TEX11: variants seen among roughly 807,000 people sequenced by gnomAD.
The protein encoded by TEX11 is testis expressed 11.
TEX11 carries 7 observed loss-of-function variants against 84.4 expected under a neutral mutation model. That is an observed-to-expected ratio of 0.08 (90% CI 0.05 to 0.16). The LOEUF is 0.16. Ranked by LOEUF, TEX11 falls within the 10% of genes least tolerant of loss-of-function variation. The pLI is 1.00. For missense variants in TEX11, 551 were observed against 660.5 expected, an observed-to-expected ratio of 0.83 and a Z score of 1.82; for synonymous variants, 264 against 222.8, an observed-to-expected ratio of 1.18 and a Z score of -1.64.
chrX:70,607,840 A>G (rs2089212473), intron 22 of TEX11, among the ~76,000 whole-genome samples: 1 of 112,391 alleles, frequency 8.9e-6, no homozygotes. Flanking sequence ...ATTCCTTTTC[A>G]AACCTTCAAA....
intron 25 of TEX11, among the ~76,000 whole-genome samples, chrX:70,568,253 G>C (rs1342451558): frequency 1.8e-5 from 2 of 111,015 alleles, no homozygotes; most frequent in Admixed American, 9.6e-5. Flanking sequence ...TTTTCCATTT[G>C]CTTGGTAGAT....
Position 70,785,179 on chromosome X carries a change from T to A in TEX11, c.692+21526A>T, listed in dbSNP as rs772401764. Reference sequence around the variant, plus strand: ...GGCCTCAGAAATAATACCACACATGTACAACCATCTGATCTTTGACAAACC... The same window carrying A: ...GGCCTCAGAAATAATACCACACATGAACAACCATCTGATCTTTGACAAACC... On this transcript the variant is annotated intron_variant, in intron 9 of 29. Coordinates refer to ENST00000374333, the MANE Select transcript of TEX11 (RefSeq NM_031276.3). Among the ~76,000 whole-genome samples the A allele has an allele frequency of 1.7e-4, 19 of 111,755 alleles. No homozygotes were observed. The East Asian group carries it at 3.9e-3, about 23-fold the overall frequency.
intron 8 of TEX11, among the ~76,000 whole-genome samples, chrX:70,807,965 G>A (rs1364329242): frequency 7.4e-5 from 8 of 107,452 alleles, no homozygotes; most frequent in Admixed American, 6.0e-4. Flanking sequence ...TTAGCCAGGC[G>A]TGGTGGCAGG....
At chrX:70,823,582 GT>G (rs2091329782) in intron 8 of TEX11, among the ~76,000 whole-genome samples, 1 of 111,165 alleles carries the variant, frequency 9.0e-6, no homozygotes, top group East Asian at 2.8e-4. Context: ...AAAAAGACAA[GT>G]TCAGGCCGGA....
intron 25 of TEX11, among the ~76,000 whole-genome samples, chrX:70,573,974 A>G (rs780335540): frequency 1.8e-5 from 2 of 111,875 alleles, no homozygotes; most frequent in African/African-American, 3.2e-5. Flanking sequence ...TTCGATGATG[A>G]CACTTGATGA....
intron 20 of TEX11, 35 bp downstream of exon 20, chrX:70,623,915 A>G: frequency 8.9e-7 from 1 of 1,120,103 alleles, no homozygotes; most frequent in South Asian, 2.0e-5. Context: ...AATTTGTCTA[A>G]TGGGGAATAC....
At chrX:70,693,226 A>G (rs1288935974) in intron 13 of TEX11, among the ~76,000 whole-genome samples, 1 of 110,875 alleles carries the variant, frequency 9.0e-6, no homozygotes, top group African/African-American at 3.3e-5. Context: ...GGGCAACAAG[A>G]GCAAAACTCC....
chrX:70,577,896 T>G (rs1161840824), intron 25 of TEX11, among the ~76,000 whole-genome samples: 1 of 110,159 alleles, frequency 9.1e-6, no homozygotes, highest in Non-Finnish European at 1.9e-5. Flanking sequence ...CCAAGCTAAT[T>G]TTTGTATTTT....
chrX:70,809,657 A>G (rs1191582115), intron 8 of TEX11, among the ~76,000 whole-genome samples: 2 of 111,739 alleles, frequency 1.8e-5, no homozygotes, highest in East Asian at 5.6e-4. Flanking sequence ...AAATAAGTCC[A>G]AAAGTCAGGA....
chrX:70,711,886 T>C (rs2090438416), intron 13 of TEX11, among the ~76,000 whole-genome samples: 1 of 111,695 alleles, frequency 9.0e-6, no homozygotes, highest in South Asian at 3.8e-4. Flanking sequence ...CTGAATGGTA[T>C]TGCCTAGGTT....
chrX:70,812,640 A>C (rs946180075), intron 8 of TEX11, among the ~76,000 whole-genome samples: 2 of 111,428 alleles, frequency 1.8e-5, no homozygotes, highest in African/African-American at 6.5e-5. Context: ...ACCCTTCAAA[A>C]AATTAATGAA....
chrX:70,704,502 C>T (rs1374362782), intron 13 of TEX11, among the ~76,000 whole-genome samples: 1 of 111,281 alleles, frequency 9.0e-6, no homozygotes, highest in Non-Finnish European at 1.9e-5. Flanking sequence ...CTACTGAGTC[C>T]AGTACTCGAA....
the TEX11 span, among the ~76,000 whole-genome samples, chrX:70,520,940 A>G: frequency 1.8e-5 from 2 of 112,310 alleles, no homozygotes; most frequent in Non-Finnish European, 1.9e-5. Flanking sequence ...GGACCTGCCG[A>G]GCCAGGCACG....
chrX:70,769,345 G>C (rs866431202), intron 9 of TEX11, among the ~76,000 whole-genome samples: 25 of 111,289 alleles, frequency 2.2e-4, no homozygotes, highest in African/African-American at 8.2e-4. Context: ...GAAAAGAAGA[G>C]AGAAGGCTCA....
chrX:70,578,234 T>C (rs1286415011), intron 25 of TEX11, among the ~76,000 whole-genome samples: 1 of 112,196 alleles, frequency 8.9e-6, no homozygotes, highest in Non-Finnish European at 1.9e-5. Flanking sequence ...TGTTTTGTTT[T>C]AGTTTCTGGT....
chrX:70,653,156 C>A (rs763289848), intron 16 of TEX11, among the ~76,000 whole-genome samples: 1 of 111,221 alleles, frequency 9.0e-6, no homozygotes, highest in Non-Finnish European at 1.9e-5. Context: ...GACACAACAC[C>A]AAAACCATAT....
intron 15 of TEX11, among the ~76,000 whole-genome samples, chrX:70,677,876 C>T (rs1393219933): frequency 2.1e-5 from 2 of 94,773 alleles, no homozygotes; most frequent in Non-Finnish European, 4.1e-5. Context: ...TGCAGTGGCG[C>T]GATCTCGGCT....
intron 13 of TEX11, among the ~76,000 whole-genome samples, chrX:70,695,114 T>A (rs762170397): frequency 8.9e-6 from 1 of 112,233 alleles, no homozygotes; most frequent in East Asian, 2.8e-4. Context: ...ACCAGACTTT[T>A]CACTTCTATG....
intron 25 of TEX11, among the ~76,000 whole-genome samples, chrX:70,572,338 A>C (rs1421561952): frequency 8.9e-6 from 1 of 111,779 alleles, no homozygotes; most frequent in Non-Finnish European, 1.9e-5. Flanking sequence ...GATTATTAAA[A>C]TGTCAGGAAA....
Sources: allele counts gnomAD v4.1 joint callset (sites outside exome capture counted in the v4.1 genomes callset), GRCh38; gene constraint gnomAD v4.1.1; transcripts MANE v1.5; gene names NCBI Gene and HGNC (gene_info 2026-07-23, HGNC 2026-07-21).